MCF2L2: variants seen among roughly 807,000 people sequenced by gnomAD.
MCF2L2 encodes probable guanine nucleotide exchange factor MCF2L2.
In MCF2L2, 102 loss-of-function variants were observed where a neutral mutation model predicts 150.2. The observed-to-expected ratio is 0.68, with a 90% CI of 0.58 to 0.80. The LOEUF (loss-of-function observed/expected upper bound fraction) is 0.80, where lower values mean the gene tolerates loss of function less well. MCF2L2 is among the 30% of genes least tolerant of loss of function. MCF2L2 has a pLI of 0.00. For missense variants in MCF2L2, 1,256 were observed against 1,372.8 expected, an observed-to-expected ratio of 0.91 and a Z score of 1.34; for synonymous variants, 465 against 491.3, an observed-to-expected ratio of 0.95 and a Z score of 0.71.
At chr3:183,196,714 A>G (rs1722094740) in intron 25 of MCF2L2, among the ~76,000 whole-genome samples, 1 of 152,172 alleles carries the variant, frequency 6.6e-6, no homozygotes, top group Non-Finnish European at 1.5e-5. Context: ...CGGATAAGTT[A>G]TGTAAAATTG....
chr3:183,295,873 G>A (rs1318547152), intron 12 of MCF2L2, among the ~76,000 whole-genome samples: 1 of 152,092 alleles, frequency 6.6e-6, no homozygotes, highest in Non-Finnish European at 1.5e-5. Context: ...CAGGAGAATC[G>A]CTTGAACCCA....
chr3:183,221,508 G>A (rs6803943), intron 20 of MCF2L2, among the ~76,000 whole-genome samples: 3,121 of 152,216 alleles, frequency 0.021, 97 homozygotes, highest in African/African-American at 0.07. Flanking sequence ...TTCCAATGAC[G>A]ATGCCCCACA....
intron 22 of MCF2L2, among the ~76,000 whole-genome samples, chr3:183,211,517 G>A (rs1198619277): frequency 2.0e-5 from 3 of 152,178 alleles, no homozygotes; most frequent in Non-Finnish European, 2.9e-5. Flanking sequence ...TGCCCTACAC[G>A]GTGCTGACCA....
rs149127961 is a variant in MCF2L2, at chr3:183,198,584, G to A, written c.2885-3329C>T. ...ACACTTTAAATATGTGTGGTTTATCGTGTCATTATACCTCAGTAAAGGAGT... is the reference window on the plus strand; with the variant it reads ...ACACTTTAAATATGTGTGGTTTATCATGTCATTATACCTCAGTAAAGGAGT... On this transcript the variant is annotated intron_variant, in intron 25 of 29. Transcript: ENST00000328913. 2.2e-4 allele frequency among the ~76,000 whole-genome samples: 33 copies of A among 152,240 alleles called. No individual in the cohort carries two copies. In the South Asian group the frequency reaches 4.3e-3, roughly 20 times the overall value.
intron 27 of MCF2L2, among the ~76,000 whole-genome samples, chr3:183,188,968 CAA>C (rs61285950): frequency 2.1e-5 from 3 of 141,030 alleles, no homozygotes; most frequent in Admixed American, 7.1e-5. Flanking sequence ...AACTCTATCG[CAA>C]AAAAAAAAAG....
At chr3:183,364,278 A>G (rs1414947858) in intron 3 of MCF2L2, among the ~76,000 whole-genome samples, 1 of 152,160 alleles carries the variant, frequency 6.6e-6, no homozygotes, top group Non-Finnish European at 1.5e-5. Flanking sequence ...GCACTTTGGG[A>G]GGGCGAGGCG....
Position 183,289,161 on chromosome 3 carries a change from A to T in MCF2L2, c.1735T>A (p.Ser579Thr). ...EEPYTETELNSRGKEDDETKF... is the reference protein window; with the variant it reads ...EEPYTETELNTRGKEDDETKF... ...GTCTCATCATCTTCCTTTCCCCGGG[A>T]GTTCAACTCTGTCTCCGTATAAGGT... The change falls in exon 14 of 30, where the codon TCC (serine) becomes ACC (threonine). Residue 579 changes from serine (S) to threonine (T), a missense_variant. Transcript: ENST00000328913. 1 of 1,614,020 alleles carries T rather than the reference A, an allele frequency of 6.2e-7. No homozygotes were observed. The highest frequency in any genetic ancestry group is 8.5e-7 in the Non-Finnish European group (1 of 1,179,944).
chr3:183,386,928 T>C (rs932130212), intron 2 of MCF2L2, among the ~76,000 whole-genome samples: 1 of 152,190 alleles, frequency 6.6e-6, no homozygotes, highest in African/African-American at 2.4e-5. Flanking sequence ...CTGTAATTAC[T>C]ATCACAGCGA....
rs746462556 is a variant in MCF2L2 at position 183,206,183 on chromosome 3, C to G, written c.2744G>C (p.Arg915Thr). ...AATCTCAAACTTTCTATGGCTCCCC[C>G]TTCCAAGCTGGCGAATTGAAAGTGT... ...LMTLSIRQLGRGSHRKFEIAS... is the reference protein window; with the variant it reads ...LMTLSIRQLGTGSHRKFEIAS... Residue 915 changes from arginine (R) to threonine (T), a missense_variant, in exon 24 of 30, where the codon AGG (arginine) becomes ACG (threonine). Transcript: ENST00000328913. 103 of 1,614,038 alleles carry G rather than the reference C, an allele frequency of 6.4e-5. No individual in the cohort carries two copies. Among genetic ancestry groups the G allele is most frequent in the Non-Finnish European group, 8.2e-5 (97 of 1,180,006 alleles).
At chr3:183,261,552 T>C in intron 15 of MCF2L2, among the ~76,000 whole-genome samples, 1 of 152,210 alleles carries the variant, frequency 6.6e-6, no homozygotes, top group East Asian at 1.9e-4. Context: ...TTATATAGTC[T>C]ACTTTCTAAG....
intron 7 of MCF2L2, among the ~76,000 whole-genome samples, chr3:183,312,954 T>C (rs915235655): frequency 6.6e-6 from 1 of 152,206 alleles, no homozygotes; most frequent in Non-Finnish European, 1.5e-5. Context: ...ATTAGCCACA[T>C]GGCTGGCACT....
chr3:183,273,085 A>AC, intron 15 of MCF2L2: 1 of 1,407,920 alleles, frequency 7.1e-7, no homozygotes, highest in Non-Finnish European at 9.5e-7. Context: ...AAGGGTTCCA[A>AC]CCTTTTAAAA....
At chr3:183,240,443 T>C (rs1723969818) in intron 15 of MCF2L2, among the ~76,000 whole-genome samples, 1 of 152,220 alleles carries the variant, frequency 6.6e-6, no homozygotes, top group Admixed American at 6.5e-5. Context: ...GGTCTCGAAC[T>C]CCTGACCTCA....
At chr3:183,421,394 T>C (rs1240716606) in intron 1 of MCF2L2, among the ~76,000 whole-genome samples, 3 of 152,244 alleles carry the variant, frequency 2.0e-5, no homozygotes, top group Non-Finnish European at 4.4e-5. Context: ...TATCTTCAGT[T>C]CCTTGAGTCT....
At chr3:183,342,500 T>C (rs1730740168) in intron 3 of MCF2L2, among the ~76,000 whole-genome samples, 1 of 152,294 alleles carries the variant, frequency 6.6e-6, no homozygotes, top group South Asian at 2.1e-4. Flanking sequence ...ATTTATATAT[T>C]GTGTGTGCTT....
At chr3:183,249,876 C>T (rs1724435941) in intron 15 of MCF2L2, among the ~76,000 whole-genome samples, 2 of 152,124 alleles carry the variant, frequency 1.3e-5, no homozygotes, top group Non-Finnish European at 2.9e-5. Flanking sequence ...CCTGCAGTTA[C>T]CAGGCATTCA....
rs1272249727 is a variant in MCF2L2 at position 183,178,946 on chromosome 3, G to C, written c.*434C>G. 6.4e-6 allele frequency: 1 copy of C among 155,770 alleles called. No individual in the cohort carries two copies. Among genetic ancestry groups the C allele is most frequent in the South Asian group, 2.1e-4 (1 of 4,870 alleles). The allele number at this position is 155,770 out of a possible 1,614,324, so 9.6% of individuals were successfully genotyped here. On this transcript the variant is annotated 3_prime_UTR_variant, in exon 30 of 30. Transcript: ENST00000328913. ...TTCCCACCCCGCCCTGGAGAAATGC[G>C]GGCGTGTCTGCAGGCATTTTTGATT...
At chr3:183,272,541 T>C (rs777149179) in intron 15 of MCF2L2, 51 of 993,522 alleles carry the variant, frequency 5.1e-5, no homozygotes, top group Non-Finnish European at 6.1e-5. Context: ...TATTTTGAAA[T>C]TTGAGGCTTG....
At position 183,227,611 on chromosome 3, in the gene MCF2L2, G is replaced by C. The variant is rs1723391164; in HGVS notation, c.2115+686C>G. 6.6e-6 allele frequency: 1 copy of C among 152,186 alleles called. No homozygotes were observed. The highest frequency in any genetic ancestry group is 2.1e-4 in the South Asian group (1 of 4,830). 9.4% of individuals were successfully genotyped at this position (152,186 alleles called of 1,614,324 possible). On this transcript the variant is annotated intron_variant, in intron 18 of 29. Transcript: ENST00000328913. This position sits in a 1 kb window ranked among gnomAD's most constrained non-coding sequence, Gnocchi z 4.0. ...ATGATTCTTGTTTTAAAACGTAGTT[G>C]AGTCATTCAGAAGAGGATCCTCTGC...
Sources: allele counts gnomAD v4.1 joint callset (sites outside exome capture counted in the v4.1 genomes callset), GRCh38; gene constraint gnomAD v4.1.1; non-coding constraint Gnocchi (gnomAD v3.1); transcripts MANE v1.5; gene names NCBI Gene and HGNC (gene_info 2026-07-23, HGNC 2026-07-21).